The following WDPCP variants were observed in gnomAD, a reference collection of about 807,000 sequenced individuals.
The protein encoded by WDPCP is WD repeat containing planar cell polarity effector, also known as WD repeat-containing and planar cell polarity effector protein fritz homolog.
WDPCP carries 71 observed loss-of-function variants against 93.1 expected under a neutral mutation model. That is an observed-to-expected ratio of 0.76 (90% CI 0.63 to 0.93). WDPCP has a LOEUF of 0.93. Ranked by LOEUF, WDPCP falls within the 40% of genes least tolerant of loss-of-function variation. The probability of loss-of-function intolerance (pLI) is 0.00; values close to 1 mark genes in which losing one functional copy is unlikely to be tolerated. For missense variants in WDPCP, 844 were observed against 887.4 expected (o/e 0.95, Z 0.62); for synonymous variants, 315 against 315.0 (o/e 1.00, Z 0.00).
intron 14 of WDPCP, chr2:63,228,746 T>C (rs1157650150): frequency 6.6e-6 from 1 of 152,182 alleles, no homozygotes; most frequent in Non-Finnish European, 1.5e-5. Context: ...TCCATGTCCC[T>C]ACAAAGGACA....
intron 1 of WDPCP, among the ~76,000 whole-genome samples, chr2:63,509,822 A>G (rs1702112025): frequency 6.6e-6 from 1 of 152,200 alleles, no homozygotes; most frequent in South Asian, 2.1e-4. Context: ...AATAAACTAG[A>G]AAATCTAGAA....
chr2:63,219,713 A>AAAAC (rs1046473232), intron 14 of WDPCP, among the ~76,000 whole-genome samples: 2 of 152,168 alleles, frequency 1.3e-5, no homozygotes, highest in African/African-American at 2.4e-5. Context: ...AGATATAGTA[A>AAAAC]AAACAGGCCG....
At position 63,121,802 on chromosome 2, in the gene WDPCP, A is replaced by T. The variant is rs1489842735; in HGVS notation, c.*204T>A. On this transcript the variant is annotated 3_prime_UTR_variant, in exon 18 of 18. Coordinates refer to ENST00000272321, the MANE Select transcript of WDPCP (RefSeq NM_015910.7). ...GAAAATAAGTAGGTTGAAGACTTTT[A>T]CTTACGATCACTTTGCTGTTATGCT... 1 of 1,297,286 alleles carries T rather than the reference A, an allele frequency of 7.7e-7. No homozygotes were observed. The highest frequency in any genetic ancestry group is 1.0e-6 in the Non-Finnish European group (1 of 993,888). 80.4% of individuals were successfully genotyped at this position (1,297,286 alleles called of 1,614,324 possible). A position where few individuals can be genotyped will look rare whatever the true frequency, so the allele number is the denominator to read the frequency against.
At chr2:63,440,615 C>T (rs916137269) in intron 6 of WDPCP, 3 of 152,502 alleles carry the variant, frequency 2.0e-5, no homozygotes, top group Non-Finnish European at 4.4e-5. Flanking sequence ...ATTCATTCAT[C>T]TCCAAATGTT....
chr2:63,325,991 A>G (rs1268298422), intron 12 of WDPCP, among the ~76,000 whole-genome samples: 3 of 152,198 alleles, frequency 2.0e-5, no homozygotes, highest in Non-Finnish European at 2.9e-5. Flanking sequence ...CAAAAGGTTG[A>G]CCTCACTGTT....
intron 14 of WDPCP, among the ~76,000 whole-genome samples, chr2:63,189,950 A>T (rs1432682362): frequency 6.6e-6 from 1 of 152,182 alleles, no homozygotes; most frequent in African/African-American, 2.4e-5. Context: ...CAAATGTGAA[A>T]ATTAGGTTTC....
chr2:63,746,137 A>T (rs1354416023), intron 2 of WDPCP, among the ~76,000 whole-genome samples: 1 of 152,180 alleles, frequency 6.6e-6, no homozygotes, highest in Admixed American at 6.5e-5. Flanking sequence ...TTTCATGGAC[A>T]TTTATTAGTT....
At chr2:63,129,641 TA>T (rs1198099692) in intron 17 of WDPCP, among the ~76,000 whole-genome samples, 1 of 152,234 alleles carries the variant, frequency 6.6e-6, no homozygotes, top group African/African-American at 2.4e-5. Flanking sequence ...TACATTTTTT[TA>T]TTGGGTTGTA....
At chr2:63,252,149 C>T (rs1286789709) in intron 14 of WDPCP, among the ~76,000 whole-genome samples, 3 of 152,096 alleles carry the variant, frequency 2.0e-5, no homozygotes, top group South Asian at 2.1e-4. Flanking sequence ...GATCAATAAG[C>T]GTGATTCACC....
At chr2:63,446,284 C>T (rs1259097457) in intron 6 of WDPCP, among the ~76,000 whole-genome samples, 1 of 152,138 alleles carries the variant, frequency 6.6e-6, no homozygotes, top group Non-Finnish European at 1.5e-5. Flanking sequence ...CTGAGCTCTA[C>T]CCCCTGTCAG....
Position 63,154,470 on chromosome 2 carries a change from C to T in WDPCP, c.2079-896G>A, listed in dbSNP as rs556518592. Among the ~76,000 whole-genome samples the T allele has an allele frequency of 1.2e-4, 19 of 152,230 alleles. No homozygotes were observed. In the South Asian group the frequency reaches 2.3e-3, roughly 18 times the overall value. On this transcript the variant is annotated intron_variant, in intron 15 of 17. Transcript: ENST00000272321. The stretch of plus-strand genomic sequence containing the variant: ...CCTGATATTCATCCAAGTTGTTAAA[C>T]GTGTATCAATGGTTCACTGCTTTTT...
At chr2:63,788,777 C>T (rs1670503567) in intron 2 of WDPCP, among the ~76,000 whole-genome samples, 1 of 152,202 alleles carries the variant, frequency 6.6e-6, no homozygotes, top group East Asian at 1.9e-4. Flanking sequence ...TAAATTCTAT[C>T]TGCCTTGGTT....
chr2:63,503,139 G>C (rs1248894157), intron 1 of WDPCP, among the ~76,000 whole-genome samples: 1 of 152,152 alleles, frequency 6.6e-6, no homozygotes, highest in African/African-American at 2.4e-5. Context: ...AATTCACTTA[G>C]TTAAATAGAT....
chr2:63,506,797 G>A (rs908154781), intron 1 of WDPCP, among the ~76,000 whole-genome samples: 12 of 152,044 alleles, frequency 7.9e-5, no homozygotes, highest in African/African-American at 1.9e-4. Context: ...AAATGGACTC[G>A]TGAGAGGTTA....
At chr2:63,701,985 A>G (rs568667200) in intron 2 of WDPCP, among the ~76,000 whole-genome samples, 1 of 152,174 alleles carries the variant, frequency 6.6e-6, no homozygotes, top group Non-Finnish European at 1.5e-5. Flanking sequence ...TTTCAAAATA[A>G]TTAGACGAGA....
intron 8 of WDPCP, among the ~76,000 whole-genome samples, chr2:63,436,851 A>G (rs1332046045): frequency 6.6e-6 from 1 of 152,110 alleles, no homozygotes; most frequent in East Asian, 1.9e-4. Context: ...AATAGATGTA[A>G]AGCTCCTGAT....
At chr2:63,379,778 C>T (rs768216163) in intron 11 of WDPCP, among the ~76,000 whole-genome samples, 1 of 151,990 alleles carries the variant, frequency 6.6e-6, no homozygotes, top group African/African-American at 2.4e-5. Context: ...CAAATTACCA[C>T]GTCAAATTTG....
chr2:63,499,854 A>T (rs937349430), intron 1 of WDPCP, among the ~76,000 whole-genome samples: 1 of 152,198 alleles, frequency 6.6e-6, no homozygotes, highest in African/African-American at 2.4e-5. Flanking sequence ...GTACCAGTGC[A>T]TTCCATCTGT....
chr2:63,662,153 C>CA (rs1392223385), intron 2 of WDPCP, among the ~76,000 whole-genome samples: 2 of 152,108 alleles, frequency 1.3e-5, no homozygotes, highest in Non-Finnish European at 2.9e-5. Flanking sequence ...CAAGCCAGTA[C>CA]AGAGTACAAA....
Sources: gnomAD v4.1 joint callset for allele counts (sites outside exome capture counted in the v4.1 genomes callset) on GRCh38, gnomAD v4.1.1 for gene constraint, MANE v1.5 for transcripts, NCBI Gene and HGNC (gene_info 2026-07-23, HGNC 2026-07-21) for gene names.